Variants in KIF6 observed in about 807,000 individuals in gnomAD.
KIF6 encodes the protein kinesin-like protein KIF6.
A neutral mutation model predicts 112.7 loss-of-function variants in KIF6; 106 were observed. The ratio of observed to expected loss-of-function variants is 0.94; its 90% confidence interval spans 0.80 to 1.11. KIF6 has a LOEUF of 1.11. Ranked by LOEUF, KIF6 falls within the 50% of genes least tolerant of loss-of-function variation. KIF6 has a pLI of 0.00. For missense variants in KIF6, 929 were observed against 964.0 expected, an observed-to-expected ratio of 0.96 and a Z score of 0.48; for synonymous variants, 339 against 339.9, an observed-to-expected ratio of 1.00 and a Z score of 0.03.
chr6:39,416,440 G>A (rs1023152145), intron 15 of KIF6, among the ~76,000 whole-genome samples: 5 of 152,278 alleles, frequency 3.3e-5, no homozygotes, highest in East Asian at 1.9e-4. Context: ...GGAACAGGTA[G>A]ATACAATAAA....
intron 10 of KIF6, among the ~76,000 whole-genome samples, chr6:39,557,346 T>C (rs1287187552): frequency 6.6e-6 from 1 of 152,028 alleles, no homozygotes; most frequent in African/African-American, 2.4e-5. Flanking sequence ...TGAAGATGGG[T>C]TTACAAGGCA....
intron 3 of KIF6, among the ~76,000 whole-genome samples, chr6:39,682,085 A>G (rs1427460950): frequency 6.6e-6 from 1 of 152,232 alleles, no homozygotes; most frequent in Admixed American, 6.5e-5. Context: ...TGCAGTAATA[A>G]GAAGACAGAA....
At chr6:39,674,493 A>G (rs1205036517) in intron 3 of KIF6, among the ~76,000 whole-genome samples, 1 of 152,136 alleles carries the variant, frequency 6.6e-6, no homozygotes, top group Non-Finnish European at 1.5e-5. Flanking sequence ...TACCGTATAC[A>G]CAAAGGCCCA....
intron 15 of KIF6, among the ~76,000 whole-genome samples, chr6:39,397,273 T>G (rs1768342441): frequency 6.6e-6 from 1 of 152,262 alleles, no homozygotes; most frequent in East Asian, 1.9e-4. Context: ...TGGAAGTAAA[T>G]GACTTTTTAA....
chr6:39,721,338 G>A (rs374905317), intron 1 of KIF6, among the ~76,000 whole-genome samples: 11 of 152,186 alleles, frequency 7.2e-5, no homozygotes, highest in African/African-American at 2.6e-4. Context: ...AGAGAGATGT[G>A]GCTTCAAAAG....
chr6:39,375,760 A>G (rs1462928746), intron 16 of KIF6, among the ~76,000 whole-genome samples: 1 of 152,202 alleles, frequency 6.6e-6, no homozygotes, highest in African/African-American at 2.4e-5. Context: ...TGAGTGAGCC[A>G]ATTCCTTCCA....
Position 39,521,387 on chromosome 6 carries a change from A to G in KIF6, c.1645+18616T>C, listed in dbSNP as rs537545952. On this transcript the variant is annotated intron_variant, in intron 13 of 22. Transcript: ENST00000287152. ...GTGAAGACATATTTAGGAACTTAGA[A>G]TTTAGGAGATACAACACCAATTTTA... 5.9e-5 allele frequency among the ~76,000 whole-genome samples: 9 copies of G among 152,268 alleles called. No individual in the cohort carries two copies. The South Asian group carries it at 1.7e-3, about 28-fold the overall frequency.
intron 17 of KIF6, among the ~76,000 whole-genome samples, chr6:39,360,769 A>C (rs1317836985): frequency 6.6e-6 from 1 of 152,200 alleles, no homozygotes; most frequent in Non-Finnish European, 1.5e-5. Context: ...TGTGTGTGAG[A>C]TGAATAGCCT....
At chr6:39,488,598 G>A (rs897862657) in intron 13 of KIF6, among the ~76,000 whole-genome samples, 2 of 152,164 alleles carry the variant, frequency 1.3e-5, no homozygotes, top group South Asian at 2.1e-4. Flanking sequence ...AGAGCCTACA[G>A]ACTGTATTTT....
intron 13 of KIF6, among the ~76,000 whole-genome samples, chr6:39,460,879 A>G (rs964398153): frequency 2.0e-5 from 3 of 152,132 alleles, no homozygotes; most frequent in East Asian, 1.9e-4. Context: ...CCTTTGTAAT[A>G]CTGCTTCCTT....
intron 5 of KIF6, among the ~76,000 whole-genome samples, chr6:39,617,484 A>G (rs1341772943): frequency 2.0e-5 from 3 of 152,150 alleles, no homozygotes; most frequent in Non-Finnish European, 4.4e-5. Context: ...CATGTTATAT[A>G]TAAGTGTTGC....
intron 12 of KIF6, among the ~76,000 whole-genome samples, chr6:39,543,920 G>T (rs919610496): frequency 2.0e-5 from 3 of 151,980 alleles, no homozygotes; most frequent in Non-Finnish European, 4.4e-5. Context: ...TATCTTATTT[G>T]GTACTGATCA....
At chr6:39,526,473 C>T (rs1188218112) in intron 13 of KIF6, among the ~76,000 whole-genome samples, 1 of 152,172 alleles carries the variant, frequency 6.6e-6, no homozygotes, top group African/African-American at 2.4e-5. Flanking sequence ...TCCTGAGGTG[C>T]TCATAAATGG....
chr6:39,641,464 A>T (rs1784893759), intron 3 of KIF6, among the ~76,000 whole-genome samples: 2 of 151,030 alleles, frequency 1.3e-5, no homozygotes, highest in Admixed American at 6.6e-5. Flanking sequence ...GGACACAGGA[A>T]GGGGAACATC....
intron 13 of KIF6, among the ~76,000 whole-genome samples, chr6:39,478,602 A>G (rs1774593411): frequency 6.6e-6 from 1 of 152,088 alleles, no homozygotes; most frequent in South Asian, 2.1e-4. Flanking sequence ...TAGTTCTTTA[A>G]GGAATCGCCG....
At chr6:39,466,139 G>A (rs768887345) in intron 13 of KIF6, among the ~76,000 whole-genome samples, 1 of 152,242 alleles carries the variant, frequency 6.6e-6, no homozygotes, top group Non-Finnish European at 1.5e-5. Flanking sequence ...CACGTGTGTA[G>A]TGTTCAATCA....
chr6:39,340,937 GT>G (rs1216996978), intron 22 of KIF6, among the ~76,000 whole-genome samples: 1 of 152,110 alleles, frequency 6.6e-6, no homozygotes, highest in East Asian at 1.9e-4. Context: ...GATATCCTGC[GT>G]ATCCAAGCCT....
intron 15 of KIF6, among the ~76,000 whole-genome samples, chr6:39,390,135 C>T (rs542847410): frequency 2.0e-5 from 3 of 151,552 alleles, no homozygotes; most frequent in Non-Finnish European, 2.9e-5. Context: ...GGCTAACCAA[C>T]GTCTCTAACC....
chr6:39,715,073 A>C (rs1176215677), intron 2 of KIF6: 1 of 210,582 alleles, frequency 4.7e-6, no homozygotes, highest in Non-Finnish European at 9.4e-6. Flanking sequence ...CAGTGTCTAC[A>C]ATTGGCAAGA....
Sources: allele counts gnomAD v4.1 joint callset (sites outside exome capture counted in the v4.1 genomes callset), GRCh38; gene constraint gnomAD v4.1.1; transcripts MANE v1.5; gene names NCBI Gene and HGNC (gene_info 2026-07-23, HGNC 2026-07-21).